The following ATR variants were observed in gnomAD, a reference collection of about 807,000 sequenced individuals.
ATR encodes the protein serine/threonine-protein kinase ATR.
ATR carries 142 observed loss-of-function variants against 305.3 expected under a neutral mutation model. The observed-to-expected ratio is 0.47, with a 90% confidence interval of 0.41 to 0.53. ATR has a LOEUF of 0.53. ATR is among the 20% of genes least tolerant of loss of function. ATR has a pLI of 0.00. For missense variants in ATR, 2,135 were observed against 3,133.1 expected (o/e 0.68, Z 7.60); for synonymous variants, 1,050 against 1,068.1 (o/e 0.98, Z 0.33).
At chr3:142,522,076 C>T (rs1490765264) in intron 23 of ATR, among the ~76,000 whole-genome samples, 1 of 152,162 alleles carries the variant, frequency 6.6e-6, no homozygotes. Flanking sequence ...CCATTCCAAC[C>T]TTCAGCAACC....
At chr3:142,499,833 T>C (rs1427245427) in intron 30 of ATR, 115 bp from the exon 31 acceptor site, 1 of 847,564 alleles carries the variant, frequency 1.2e-6, no homozygotes, top group African/African-American at 1.7e-5. Flanking sequence ...CATTATATTG[T>C]ATTTTGTTCT....
At chr3:142,506,350 G>A (rs967660118) in intron 28 of ATR, among the ~76,000 whole-genome samples, 4 of 152,240 alleles carry the variant, frequency 2.6e-5, no homozygotes, top group Non-Finnish European at 5.9e-5. Flanking sequence ...TTGAAATTGA[G>A]AACACAAGTA....
chr3:142,512,787 G>A (rs2032644167), intron 26 of ATR, among the ~76,000 whole-genome samples: 1 of 152,072 alleles, frequency 6.6e-6, no homozygotes, highest in African/African-American at 2.4e-5. Flanking sequence ...CCTGGGAGGT[G>A]GAGGTTGCAG....
chr3:142,499,748 T>G lies in ATR; in HGVS notation c.5289-30A>C, dbSNP rs778040062. On this transcript the variant is annotated intron_variant, in intron 30 of 46. Transcript: ENST00000350721. ...TAAAAGAAACCCATATCAACTAAAC[T>G]TTAATTTATTTAAGGTGACATTCAG... The G allele has an allele frequency of 1.9e-6, 3 of 1,575,572 alleles. No homozygotes were observed. In the South Asian group the frequency reaches 3.3e-5, roughly 17 times the overall value.
intron 46 of ATR, chr3:142,450,992 G>T: frequency 8.1e-7 from 1 of 1,232,688 alleles, no homozygotes; most frequent in Non-Finnish European, 1.0e-6. Context: ...AGAACAACAA[G>T]CTGTGAACTA....
intron 1 of ATR, 43 bp downstream of exon 1, chr3:142,578,603 T>G (rs2035517725): frequency 6.3e-7 from 1 of 1,593,478 alleles, no homozygotes; most frequent in African/African-American, 1.3e-5. Flanking sequence ...CAAGCCGGAA[T>G]CAGCGGAGGA....
intron 45 of ATR, among the ~76,000 whole-genome samples, chr3:142,454,945 T>G (rs1033285735): frequency 6.6e-6 from 1 of 151,998 alleles, no homozygotes; most frequent in Admixed American, 6.6e-5. Flanking sequence ...GAAAAAGAAA[T>G]AAAAGGCATT....
At chr3:142,516,067 T>C (rs927357322) in intron 24 of ATR, among the ~76,000 whole-genome samples, 9 of 152,218 alleles carry the variant, frequency 5.9e-5, no homozygotes, top group African/African-American at 2.2e-4. Flanking sequence ...GACATCTCAT[T>C]GTATGGTCAT....
rs767563352 is a variant in ATR, at chr3:142,485,302, A to T, written c.6079-20T>A. ...CACATCCTATAAAAAAGAACATAGG[A>T]TACCTACCTAAGGAAATCCCACGCT... On this transcript the variant is annotated intron_variant, in intron 35 of 46. Coordinates refer to ENST00000350721, the MANE Select transcript of ATR (RefSeq NM_001184.4). 6.2e-7 allele frequency: 1 copy of T among 1,613,774 alleles called. No homozygotes were observed. Among genetic ancestry groups the T allele is most frequent in the South Asian group, 1.1e-5 (1 of 90,982 alleles).
intron 1 of ATR, among the ~76,000 whole-genome samples, chr3:142,576,955 GAAGAA>G (rs779339633): frequency 9.2e-5 from 14 of 152,188 alleles, no homozygotes; most frequent in Non-Finnish European, 1.3e-4. Context: ...AAACATTTTG[GAAGAA>G]AAGGCCTTGA....
At chr3:142,572,799 T>A (rs966316486) in intron 1 of ATR, among the ~76,000 whole-genome samples, 4 of 151,954 alleles carry the variant, frequency 2.6e-5, no homozygotes, top group Non-Finnish European at 4.4e-5. Context: ...AAAAGAACTG[T>A]TCTCTGGTCC....
At chr3:142,476,501 G>A (rs2071455045) in intron 36 of ATR, among the ~76,000 whole-genome samples, 1 of 152,162 alleles carries the variant, frequency 6.6e-6, no homozygotes, top group African/African-American at 2.4e-5. Context: ...CTGTAGCCTT[G>A]TAGTATAGCT....
chr3:142,498,095 C>T (rs886583299), intron 32 of ATR, among the ~76,000 whole-genome samples: 1 of 152,074 alleles, frequency 6.6e-6, no homozygotes. Flanking sequence ...ATTTCTTATA[C>T]CTTAATTACA....
At chr3:142,486,159 G>C (rs949684579) in intron 35 of ATR, among the ~76,000 whole-genome samples, 3 of 152,092 alleles carry the variant, frequency 2.0e-5, no homozygotes, top group Non-Finnish European at 4.4e-5. Context: ...GAAATACACA[G>C]GATCACTGAC....
Position 142,463,603 on chromosome 3 carries a change from GC to G in ATR, c.7041+1493del, listed in dbSNP as rs572495049. ...GTAGAGAAAGGTTTTTGCCATGTTG[GC>G]CAGGCTGGTCTCGAACTACTGGCCT... On this transcript the variant is annotated intron_variant, in intron 41 of 46. Coordinates refer to ENST00000350721, the MANE Select transcript of ATR (RefSeq NM_001184.4). 3.9e-3 allele frequency among the ~76,000 whole-genome samples: 597 copies of G among 152,198 alleles called. 4 individuals carry two copies. The highest frequency in any genetic ancestry group is 0.014 in the African/African-American group (575 of 41,520).
chr3:142,459,120 AAC>A lies in ATR; in HGVS notation c.7350-11_7350-10del, dbSNP rs2108260761. The A allele has an allele frequency of 1.2e-6, 2 of 1,613,954 alleles. No homozygotes were observed. The highest frequency in any genetic ancestry group is 1.7e-6 in the Non-Finnish European group (2 of 1,179,848). On this transcript the variant is annotated splice_polypyrimidine_tract_variant and intron_variant, in intron 43 of 46. Coordinates refer to ENST00000350721, the MANE Select transcript of ATR (RefSeq NM_001184.4). ...CTGATCTACTACTGTACCTAAAAGA[AAC>A]ACAATGCCTATGAAATATCCATATA...
intron 34 of ATR, among the ~76,000 whole-genome samples, chr3:142,494,769 G>A (rs1003229545): frequency 1.3e-5 from 2 of 152,158 alleles, no homozygotes; most frequent in African/African-American, 4.8e-5. Context: ...CTAGAGTTAG[G>A]CTTAATCCTA....
At chr3:142,463,598 T>C (rs1331905817) in intron 41 of ATR, among the ~76,000 whole-genome samples, 1 of 152,104 alleles carries the variant, frequency 6.6e-6, no homozygotes, top group Non-Finnish European at 1.5e-5. Flanking sequence ...GTTTTTGCCA[T>C]GTTGGCCAGG....
intron 22 of ATR, 58 bp downstream of exon 22, chr3:142,523,935 T>C (rs1266201073): frequency 5.9e-6 from 9 of 1,523,658 alleles, no homozygotes; most frequent in Admixed American, 5.3e-5. Flanking sequence ...GTAAATGAAA[T>C]ATATAAACCT....
Sources: allele counts gnomAD v4.1 joint callset (sites outside exome capture counted in the v4.1 genomes callset), GRCh38; gene constraint gnomAD v4.1.1; transcripts MANE v1.5; gene names NCBI Gene and HGNC (gene_info 2026-07-23, HGNC 2026-07-21).